Variants in NAA20 observed in about 807,000 individuals in gnomAD.
NAA20 encodes the protein N-alpha-acetyltransferase 20.
In NAA20, 24 loss-of-function variants were observed where a neutral mutation model predicts 23.8. The ratio of observed to expected loss-of-function variants is 1.01; its 90% CI spans 0.73 to 1.42. The LOEUF (loss-of-function observed/expected upper bound fraction) is 1.42, where lower values mean the gene tolerates loss of function less well. Ranked by LOEUF, NAA20 falls within the 40% of genes most tolerant of loss-of-function variation. The pLI, the probability that NAA20 is intolerant of heterozygous loss-of-function variation, is 0.00. For missense variants in NAA20, 166 were observed against 223.1 expected, an observed-to-expected ratio of 0.74 and a Z score of 1.63; for synonymous variants, 83 against 77.7, an observed-to-expected ratio of 1.07 and a Z score of -0.36.
At position 20,033,098 on chromosome 20, in the gene NAA20, A is replaced by G; in HGVS notation, c.452-4A>G. ...TGTTTATATTAAACTTTGCTTCTTTACAGATATGAGGAAAGCACTTTCCAG... is the reference window on the plus strand; with the variant it reads ...TGTTTATATTAAACTTTGCTTCTTTGCAGATATGAGGAAAGCACTTTCCAG... On this transcript the variant is annotated splice_polypyrimidine_tract_variant and splice_region_variant and intron_variant, in intron 5 of 5. Coordinates refer to ENST00000334982, the MANE Select transcript of NAA20 (RefSeq NM_016100.5). 6.2e-7 allele frequency: 1 copy of G among 1,607,154 alleles called. No homozygotes were observed. The highest frequency in any genetic ancestry group is 8.5e-7 in the Non-Finnish European group (1 of 1,173,902).
chr20:20,017,304 T>C (rs2043237323), upstream of NAA20: 1 of 1,544,368 alleles, frequency 6.5e-7, no homozygotes, highest in East Asian at 2.4e-5. Flanking sequence ...GTACCCCGTC[T>C]CGCTCGGTTC....
intron 5 of NAA20, 38 bp downstream of exon 5, chr20:20,032,691 A>T (rs368818927): frequency 6.5e-7 from 1 of 1,535,932 alleles, no homozygotes; most frequent in Middle Eastern, 1.7e-4. Context: ...CAAGAAGTCG[A>T]AACAGTTACA....
chr20:20,018,275 C>T (rs2043245150), intron 1 of NAA20: 5 of 589,262 alleles, frequency 8.5e-6, no homozygotes, highest in Non-Finnish European at 1.2e-5. Flanking sequence ...GGAGGAATTT[C>T]ACCATGTGCT....
chr20:20,017,910 G>T, intron 1 of NAA20: 2 of 1,605,374 alleles, frequency 1.2e-6, no homozygotes, highest in Non-Finnish European at 1.7e-6. Flanking sequence ...GGGCTTGCGA[G>T]GATCGGAAGC....
Position 20,022,071 on chromosome 20 carries a change from C to T in NAA20, c.54-385C>T, listed in dbSNP as rs117186048. Among the ~76,000 whole-genome samples, 1,260 of 152,188 alleles carry T rather than the reference C, an allele frequency of 8.3e-3. 7 individuals are homozygous for T. Among genetic ancestry groups the T allele is most frequent in the Non-Finnish European group, 0.013 (883 of 67,996 alleles). On this transcript the variant is annotated intron_variant, in intron 1 of 5. Coordinates refer to ENST00000334982, the MANE Select transcript of NAA20 (RefSeq NM_016100.5). ...TTGTCAGGGAAGACCCAGACACAGG[C>T]GGGGAGGATCCATGGGGTTGGATGC...
chr20:20,032,444 G>GT (rs2043351011), intron 4 of NAA20, 64 bp from the exon 5 acceptor site: 3 of 1,510,560 alleles, frequency 2.0e-6, no homozygotes, highest in Non-Finnish European at 2.7e-6. Flanking sequence ...AAAAAAATAT[G>GT]TATCTATTAC....
In NAA20 at chr20:20,017,405, G is replaced by A. The variant is rs1290154101; in HGVS notation, c.9G>A (p.Thr3=). 4 of 1,611,728 alleles carry A rather than the reference G, an allele frequency of 2.5e-6. No individual in the cohort carries two copies. Among genetic ancestry groups the A allele is most frequent in the Admixed American group, 3.3e-5 (2 of 59,968 alleles). ...GAAGCGGCGGCGGCGCGATGACCAC[G>A]CTACGGGCCTTTACCTGCGACGACC... The part of the protein sequence containing the change: MT[T]LRAFTCDDLF... The change falls in exon 1 of 6, where the codon ACG becomes ACA. Residue 3 remains threonine, a synonymous_variant. Coordinates refer to ENST00000334982, the MANE Select transcript of NAA20 (RefSeq NM_016100.5).
rs149906419 is a variant in NAA20, at chr20:20,026,876, T to C, written c.262T>C (p.Leu88=). The change falls in exon 4 of 6, where the codon TTG becomes CTG. Residue 88 remains leucine (L), a synonymous_variant. Transcript: ENST00000334982. ...TGCCCCAGAATTTCGACGCCTTGGT[T>C]TGGCTGCTAAACTTATGGAGTTACT... ...SVAPEFRRLG[L]AAKLMELLEE... is the part of the protein sequence containing the mutation. 52 of 1,614,086 alleles carry C rather than the reference T, an allele frequency of 3.2e-5. No homozygotes were observed. The African/African-American group carries it at 6.7e-4, about 21-fold the overall frequency.
intron 4 of NAA20, among the ~76,000 whole-genome samples, chr20:20,031,630 A>C (rs1288066393): frequency 1.3e-5 from 2 of 152,248 alleles, no homozygotes. Flanking sequence ...TGACAAGACA[A>C]ACCACAAATT....
Position 20,025,766 on chromosome 20 carries a change from TAGTA to T in NAA20, c.169+4_169+7del. 2 of 1,576,682 alleles carry T rather than the reference TAGTA, an allele frequency of 1.3e-6. No individual in the cohort carries two copies. The highest frequency in any genetic ancestry group is 1.7e-6 in the Non-Finnish European group (2 of 1,145,972). ...CACCTGGTGGAGAATTAATGGGTTA[TAGTA>T]AGTATAATACCACTAGTATTTTGTG... is the stretch of plus-strand genomic sequence containing the variant. On this transcript the variant is annotated splice_donor_variant and splice_donor_region_variant and coding_sequence_variant and intron_variant, in exon 3 of 6. Transcript: ENST00000334982. LOFTEE classifies it high-confidence loss of function.
At chr20:20,027,608 A>C (rs906218236) in intron 4 of NAA20, among the ~76,000 whole-genome samples, 1 of 152,140 alleles carries the variant, frequency 6.6e-6, no homozygotes, top group Admixed American at 6.6e-5. Context: ...TGAATTTGTG[A>C]ACTACTTCAA....
chr20:20,017,697 C>T (rs1432102541), intron 1 of NAA20: 2 of 1,425,360 alleles, frequency 1.4e-6, no homozygotes, highest in African/African-American at 1.4e-5. Flanking sequence ...GTCTCTGGAC[C>T]CTGCGAGCTG....
chr20:20,018,400 G>A, intron 1 of NAA20: 1 of 266,574 alleles, frequency 3.8e-6, no homozygotes, highest in Non-Finnish European at 7.4e-6. Context: ...GGCGGTATGT[G>A]AAAACTAAGG....
chr20:20,020,791 T>C (rs1457810494), intron 1 of NAA20, among the ~76,000 whole-genome samples: 1 of 152,014 alleles, frequency 6.6e-6, no homozygotes, highest in African/African-American at 2.4e-5. Flanking sequence ...AGAAGCTGAG[T>C]GAAGACAGCA....
intron 4 of NAA20, among the ~76,000 whole-genome samples, chr20:20,030,266 T>C (rs193182691): frequency 6.1e-4 from 93 of 152,232 alleles, no homozygotes; most frequent in African/African-American, 1.9e-3. Flanking sequence ...ACTACATAAA[T>C]AGGATGACAC....
At position 20,022,404 on chromosome 20, in the gene NAA20, A is replaced by C. The variant is rs1467151269; in HGVS notation, c.54-52A>C. 4 of 1,538,498 alleles carry C rather than the reference A, an allele frequency of 2.6e-6. No homozygotes were observed. In the African/African-American group the frequency reaches 4.2e-5, roughly 16 times the overall value. On this transcript the variant is annotated intron_variant, in intron 1 of 5. Coordinates refer to ENST00000334982, the MANE Select transcript of NAA20 (RefSeq NM_016100.5). Reference sequence around the variant, plus strand: ...TGTTAGCTTTAGCAGGCTTATTTCAACTGGTTATTGTAAACGCTGCTTACT... The same window carrying C: ...TGTTAGCTTTAGCAGGCTTATTTCACCTGGTTATTGTAAACGCTGCTTACT...
chr20:20,027,609 A>T (rs893274220), intron 4 of NAA20, among the ~76,000 whole-genome samples: 8 of 152,200 alleles, frequency 5.3e-5, no homozygotes, highest in African/African-American at 1.9e-4. Context: ...GAATTTGTGA[A>T]CTACTTCAAA....
chr20:20,030,536 T>C (rs1009795695), intron 4 of NAA20, among the ~76,000 whole-genome samples: 3 of 152,102 alleles, frequency 2.0e-5, no homozygotes, highest in African/African-American at 4.8e-5. Flanking sequence ...CTAGAAATTA[T>C]AGCACAGGAA....
Position 20,032,046 on chromosome 20 carries a change from G to A in NAA20, c.306-462G>A, listed in dbSNP as rs151274881. 2.4e-3 allele frequency among the ~76,000 whole-genome samples: 354 copies of A among 148,844 alleles called. 13 individuals are homozygous for A. The highest frequency in any genetic ancestry group is 8.6e-3 in the African/African-American group (328 of 38,306). On this transcript the variant is annotated intron_variant, in intron 4 of 5. Coordinates refer to ENST00000334982, the MANE Select transcript of NAA20 (RefSeq NM_016100.5). ...CAACAGAAGTATTCACAGGAGCATC[G>A]TTTGTATAGTAAAAGCCAGAAACGT...
Sources: allele counts gnomAD v4.1 joint callset (sites outside exome capture counted in the v4.1 genomes callset), GRCh38; gene constraint gnomAD v4.1.1; transcripts MANE v1.5; gene names NCBI Gene and HGNC (gene_info 2026-07-23, HGNC 2026-07-21).